PNPLA7: variants seen among roughly 807,000 people sequenced by gnomAD.
PNPLA7 encodes the protein patatin like domain 7, lysophospholipase.
In PNPLA7, 153 loss-of-function variants were observed where a neutral mutation model predicts 161.7. The ratio of observed to expected loss-of-function variants is 0.95; its 90% CI spans 0.83 to 1.08. The LOEUF (loss-of-function observed/expected upper bound fraction) is 1.08, where lower values mean the gene tolerates loss of function less well. Ranked by LOEUF, PNPLA7 falls within the 50% of genes least tolerant of loss-of-function variation. PNPLA7 has a pLI of 0.00. For synonymous variants in PNPLA7, 809 were observed against 782.1 expected (o/e 1.03, Z -0.57); for missense variants, 1,739 against 1,856.6 (o/e 0.94, Z 1.16).
At chr9:137,545,898 A>C (rs1262061080) in intron 4 of PNPLA7, among the ~76,000 whole-genome samples, 8 of 152,096 alleles carry the variant, frequency 5.3e-5, no homozygotes, top group Admixed American at 1.3e-4. Context: ...TGTCAAGGAA[A>C]AACACCTGCT....
In PNPLA7 at chr9:137,523,529, C is replaced by T. The variant is rs140547627; in HGVS notation, c.748-672G>A. On this transcript the variant is annotated intron_variant, in intron 8 of 34. Coordinates refer to ENST00000406427, the MANE Select transcript of PNPLA7 (RefSeq NM_001098537.3). This position sits in a 1 kb window ranked among gnomAD's most constrained non-coding sequence, Gnocchi z 4.4. Reference sequence around the variant, plus strand: ...GAGAGAAAAGGCTGTTTTTAAATCACGCTGTGATCTGCATGCAGGCAGATT... The same window carrying T: ...GAGAGAAAAGGCTGTTTTTAAATCATGCTGTGATCTGCATGCAGGCAGATT... 3.3e-5 allele frequency among the ~76,000 whole-genome samples: 5 copies of T among 152,242 alleles called. No homozygotes were observed. The highest frequency in any genetic ancestry group is 4.8e-5 in the African/African-American group (2 of 41,548).
At chr9:137,462,086 C>G in intron 31 of PNPLA7, 45 bp from the exon 32 acceptor site, 1 of 1,527,422 alleles carries the variant, frequency 6.5e-7, no homozygotes, top group Non-Finnish European at 8.8e-7. Context: ...GGGGAGCCCC[C>G]CACTTCCTGT....
intron 21 of PNPLA7, among the ~76,000 whole-genome samples, chr9:137,481,375 G>A (rs929934937): frequency 1.3e-5 from 2 of 152,242 alleles, no homozygotes; most frequent in African/African-American, 4.8e-5. Context: ...GGAAGGCTGT[G>A]CGATGGGAGA....
At chr9:137,539,212 G>A (rs1009541279) in intron 8 of PNPLA7, among the ~76,000 whole-genome samples, 5 of 150,556 alleles carry the variant, frequency 3.3e-5, no homozygotes, top group South Asian at 2.1e-4. Context: ...GCATGGTGGC[G>A]CATGCCTGTA....
chr9:137,471,452 A>T (rs1195307382), intron 25 of PNPLA7, among the ~76,000 whole-genome samples: 1 of 151,998 alleles, frequency 6.6e-6, no homozygotes. Flanking sequence ...TACAAAAATT[A>T]GCCGGGCGTG....
intron 33 of PNPLA7, 86 bp downstream of exon 33, chr9:137,461,450 G>A (rs1382649510): frequency 7.2e-7 from 1 of 1,382,340 alleles, no homozygotes; most frequent in Non-Finnish European, 9.8e-7. Flanking sequence ...GGAGGCCGTG[G>A]GCCTCTGGGG....
intron 20 of PNPLA7, among the ~76,000 whole-genome samples, chr9:137,492,478 C>CG (rs1379206677): frequency 2.0e-5 from 2 of 98,846 alleles, no homozygotes; most frequent in Non-Finnish European, 4.2e-5. Flanking sequence ...CATGGGTGGG[C>CG]GGGGCTCCAG....
At chr9:137,475,212 C>A (rs1180583774) in intron 25 of PNPLA7, among the ~76,000 whole-genome samples, 1 of 151,846 alleles carries the variant, frequency 6.6e-6, no homozygotes, top group Non-Finnish European at 1.5e-5. Context: ...TTCAGAATAC[C>A]AAGAGTGCAG....
intron 20 of PNPLA7, 133 bp downstream of exon 20, chr9:137,492,880 T>G: frequency 3.1e-6 from 2 of 650,440 alleles, no homozygotes; most frequent in East Asian, 6.3e-5. Context: ...GGAAGGGCCA[T>G]GGACTGGGTG....
At chr9:137,481,088 C>T in intron 21 of PNPLA7, 65 bp from the exon 22 acceptor site, 2 of 1,511,754 alleles carry the variant, frequency 1.3e-6, no homozygotes, top group Non-Finnish European at 1.8e-6. Flanking sequence ...CAACAAGGCA[C>T]CGACACCCAG....
intron 30 of PNPLA7, 102 bp downstream of exon 30, chr9:137,462,583 C>G: frequency 6.7e-7 from 1 of 1,489,372 alleles, no homozygotes; most frequent in South Asian, 1.3e-5. Flanking sequence ...GACCTGCTGG[C>G]CTCAGAGCCC....
In PNPLA7 at chr9:137,484,819, G is replaced by T; in HGVS notation, c.2198-83C>A. 9 of 1,448,388 alleles carry T rather than the reference G, an allele frequency of 6.2e-6. 2 individuals carry two copies. The South Asian group carries it at 1.2e-4, about 20-fold the overall frequency. The allele number at this position is 1,448,388 out of a possible 1,614,324, so 89.7% of individuals were successfully genotyped here. On this transcript the variant is annotated intron_variant, in intron 20 of 34. Coordinates refer to ENST00000406427, the MANE Select transcript of PNPLA7 (RefSeq NM_001098537.3). ...AGATGCCCTGGGGCCCCCCGAGGCT[G>T]CACAGGAGCAACGCAGCAGCACCAG...
intron 26 of PNPLA7, 91 bp from the exon 27 acceptor site, chr9:137,464,547 T>A: frequency 1.7e-6 from 2 of 1,181,266 alleles, no homozygotes; most frequent in Admixed American, 1.7e-5. Context: ...CTCTCATGAA[T>A]GGAACGGGGG....
chr9:137,498,508 A>G (rs1244201584), intron 16 of PNPLA7, among the ~76,000 whole-genome samples: 1 of 152,188 alleles, frequency 6.6e-6, no homozygotes, highest in Non-Finnish European at 1.5e-5. Flanking sequence ...TGCCCCTTGG[A>G]CACGGGCCCT....
rs548331781 is a variant in PNPLA7 at position 137,467,736 on chromosome 9, A to G, written c.2883-263T>C. Among the ~76,000 whole-genome samples, 1 of 152,216 alleles carries G rather than the reference A, an allele frequency of 6.6e-6. No individual in the cohort carries two copies. Among genetic ancestry groups the G allele is most frequent in the Admixed American group, 6.5e-5 (1 of 15,284 alleles). ...AACAGGGCAAAATTCCATCTCTACT[A>G]AAAATACTAAAATTAGCCAGGCGTG... On this transcript the variant is annotated intron_variant, in intron 25 of 34. Transcript: ENST00000406427. The surrounding 1 kb of genome is among the most constrained non-coding windows in gnomAD (Gnocchi z 5.1).
chr9:137,512,239 G>A (rs927492444), intron 12 of PNPLA7, among the ~76,000 whole-genome samples: 2 of 152,264 alleles, frequency 1.3e-5, no homozygotes, highest in East Asian at 3.8e-4. Flanking sequence ...GTACACGCTC[G>A]TGCAGTGGAC....
chr9:137,544,665 T>C (rs564108034), intron 4 of PNPLA7, among the ~76,000 whole-genome samples: 6 of 152,338 alleles, frequency 3.9e-5, no homozygotes, highest in East Asian at 1.9e-4. Context: ...GTTTTTGAGA[T>C]GGAGTTTTGC....
chr9:137,529,563 T>G (rs1835469687), intron 8 of PNPLA7, among the ~76,000 whole-genome samples: 1 of 152,192 alleles, frequency 6.6e-6, no homozygotes, highest in African/African-American at 2.4e-5. Flanking sequence ...CCAGTTTCTC[T>G]GTTTTCAAAG....
chr9:137,522,653 A>C, intron 9 of PNPLA7, 76 bp downstream of exon 9: 1 of 1,546,730 alleles, frequency 6.5e-7, no homozygotes, highest in Non-Finnish European at 8.8e-7. Context: ...AAACCCACTC[A>C]AATCCCAAAC....
Sources: gnomAD v4.1 joint callset for allele counts (sites outside exome capture counted in the v4.1 genomes callset) on GRCh38, gnomAD v4.1.1 for gene constraint, Gnocchi (gnomAD v3.1) non-coding constraint, MANE v1.5 for transcripts, NCBI Gene and HGNC (gene_info 2026-07-23, HGNC 2026-07-21) for gene names.